The following ANKRD13C variants were observed in gnomAD, a reference collection of about 807,000 sequenced individuals.
ANKRD13C encodes ankyrin repeat domain 13C.
A neutral mutation model predicts 65.5 loss-of-function variants in ANKRD13C; 16 were observed. That is an observed-to-expected ratio of 0.24 (90% CI 0.17 to 0.37). The LOEUF is 0.37. Ranked by LOEUF, ANKRD13C falls within the 10% of genes least tolerant of loss-of-function variation. The pLI, the probability that ANKRD13C is intolerant of heterozygous loss-of-function variation, is 1.00. For missense variants in ANKRD13C, 503 were observed against 655.9 expected (o/e 0.77, Z 2.55); for synonymous variants, 235 against 238.7 (o/e 0.98, Z 0.14).
intron 1 of ANKRD13C, among the ~76,000 whole-genome samples, chr1:70,340,804 A>G (rs1051655931): frequency 6.6e-6 from 1 of 152,122 alleles, no homozygotes; most frequent in Non-Finnish European, 1.5e-5. Flanking sequence ...TTTCTCAGAT[A>G]ATGTTTTCTG....
intron 3 of ANKRD13C, 119 bp downstream of exon 3, chr1:70,324,734 G>GT: frequency 1.6e-6 from 1 of 629,876 alleles, no homozygotes; most frequent in South Asian, 3.4e-5. Flanking sequence ...TCACATGTAA[G>GT]TTTACACATA....
chr1:70,309,714 G>A (rs1249949559), intron 5 of ANKRD13C, among the ~76,000 whole-genome samples: 1 of 110,094 alleles, frequency 9.1e-6, no homozygotes, highest in Non-Finnish European at 1.8e-5. Flanking sequence ...AGACTCCGTC[G>A]CAAAAAAAAA....
At chr1:70,277,719 CAAG>C (rs1481252540) in intron 9 of ANKRD13C, among the ~76,000 whole-genome samples, 1 of 152,000 alleles carries the variant, frequency 6.6e-6, no homozygotes, top group Non-Finnish European at 1.5e-5. Flanking sequence ...GTAAAAAACA[CAAG>C]AAGACTGATT....
intron 3 of ANKRD13C, among the ~76,000 whole-genome samples, chr1:70,318,577 A>G (rs1326981563): frequency 6.6e-6 from 1 of 152,158 alleles, no homozygotes; most frequent in Non-Finnish European, 1.5e-5. Flanking sequence ...CAATTAAGTA[A>G]TGAAATCACC....
At chr1:70,323,498 C>A (rs945086421) in intron 3 of ANKRD13C, among the ~76,000 whole-genome samples, 1 of 151,646 alleles carries the variant, frequency 6.6e-6, no homozygotes, top group African/African-American at 2.4e-5. Context: ...CAAAAATTAG[C>A]CAGGCATGGT....
At chr1:70,339,828 T>G (rs1682228622) in intron 1 of ANKRD13C, among the ~76,000 whole-genome samples, 1 of 103,268 alleles carries the variant, frequency 9.7e-6, no homozygotes, top group Non-Finnish European at 2.0e-5. Flanking sequence ...ATTATTATTA[T>G]TATTATTATT....
intron 1 of ANKRD13C, among the ~76,000 whole-genome samples, chr1:70,352,889 T>C (rs1682807990): frequency 6.6e-6 from 1 of 152,208 alleles, no homozygotes; most frequent in South Asian, 2.1e-4. Context: ...ATGCAGTTGT[T>C]AGATAATTAT....
chr1:70,301,178 C>CACAT (rs376941505), intron 6 of ANKRD13C, among the ~76,000 whole-genome samples: 35 of 148,750 alleles, frequency 2.4e-4, no homozygotes, highest in East Asian at 9.7e-4. Flanking sequence ...TATACACACA[C>CACAT]ATATATATAT....
At chr1:70,353,580 G>A (rs781509372) in intron 1 of ANKRD13C, among the ~76,000 whole-genome samples, 2 of 152,126 alleles carry the variant, frequency 1.3e-5, no homozygotes, top group Admixed American at 6.6e-5. Context: ...AGGGAGGAGG[G>A]CAATTTATGC....
intron 5 of ANKRD13C, among the ~76,000 whole-genome samples, chr1:70,311,485 T>G (rs1167958559): frequency 6.6e-6 from 1 of 151,786 alleles, no homozygotes; most frequent in African/African-American, 2.4e-5. Context: ...AATAAATAAA[T>G]AAATAAATGT....
rs114987978 is a variant in ANKRD13C, at chr1:70,290,266, T to C, written c.1215+2122A>G. On this transcript the variant is annotated intron_variant, in intron 9 of 12. Coordinates refer to ENST00000370944, the MANE Select transcript of ANKRD13C (RefSeq NM_030816.5). The stretch of plus-strand genomic sequence containing the variant: ...CAAACATAGTATTACCATGAATTAG[T>C]TGAAACCTGGCATACTATTCTGGAA... 3.2e-3 allele frequency among the ~76,000 whole-genome samples: 482 copies of C among 152,342 alleles called. 2 individuals carry two copies. The highest frequency in any genetic ancestry group is 0.01 in the African/African-American group (431 of 41,568).
In ANKRD13C at chr1:70,354,274, C is replaced by T. The variant is rs1682895778; in HGVS notation, c.135G>A (p.Lys45=). Residue 45 remains lysine (K), a synonymous_variant, in exon 1 of 13, where the codon AAG becomes AAA. Transcript: ENST00000370944. ...GGTFTRSRIG[K]GGKACHKIFS... ...AGATCTTATGACAAGCTTTGCCGCCCTTGCCAATCCTGCTTCTGGTAAAGG... is the reference window on the plus strand; with the variant it reads ...AGATCTTATGACAAGCTTTGCCGCCTTTGCCAATCCTGCTTCTGGTAAAGG... The T allele has an allele frequency of 1.2e-6, 2 of 1,613,874 alleles. No individual in the cohort carries two copies. The highest frequency in any genetic ancestry group is 1.7e-6 in the Non-Finnish European group (2 of 1,180,030).
intron 7 of ANKRD13C, 42 bp downstream of exon 7, chr1:70,300,716 CTTTTTT>C (rs34074291): frequency 7.0e-7 from 1 of 1,434,624 alleles, no homozygotes; most frequent in South Asian, 1.5e-5. Flanking sequence ...AAAACCTATA[CTTTTTT>C]TTTAATGATT....
chr1:70,352,201 G>A (rs1682768910), intron 1 of ANKRD13C, among the ~76,000 whole-genome samples: 1 of 151,962 alleles, frequency 6.6e-6, no homozygotes, highest in Non-Finnish European at 1.5e-5. Context: ...TTAGCCTGGC[G>A]CGGTGGTGGG....
intron 7 of ANKRD13C, among the ~76,000 whole-genome samples, chr1:70,299,329 A>C (rs1680224566): frequency 6.6e-6 from 1 of 152,232 alleles, no homozygotes; most frequent in South Asian, 2.1e-4. Flanking sequence ...AAAAGGAACC[A>C]TGCCGTGCTA....
chr1:70,348,442 T>C (rs1682619392), intron 1 of ANKRD13C, among the ~76,000 whole-genome samples: 1 of 152,188 alleles, frequency 6.6e-6, no homozygotes, highest in African/African-American at 2.4e-5. Context: ...ATGTTTTGTA[T>C]TTTTAGTAGA....
At chr1:70,280,447 TTAG>T (rs1419687510) in intron 9 of ANKRD13C, among the ~76,000 whole-genome samples, 1 of 152,060 alleles carries the variant, frequency 6.6e-6, no homozygotes, top group Non-Finnish European at 1.5e-5. Flanking sequence ...TACATGAAGA[TTAG>T]TAGTAAGAGA....
intron 2 of ANKRD13C, among the ~76,000 whole-genome samples, chr1:70,329,761 T>C (rs190701515): frequency 2.6e-4 from 40 of 151,886 alleles, no homozygotes; most frequent in African/African-American, 9.4e-4. Flanking sequence ...ATCATAGATA[T>C]GCTAATAACC....
intron 2 of ANKRD13C, among the ~76,000 whole-genome samples, chr1:70,333,569 T>G (rs539313287): frequency 6.6e-6 from 1 of 152,214 alleles, no homozygotes; most frequent in Non-Finnish European, 1.5e-5. Context: ...AAGTCTGCCA[T>G]CACCCATCAC....
Sources: gnomAD v4.1 joint callset for allele counts (sites outside exome capture counted in the v4.1 genomes callset) on GRCh38, gnomAD v4.1.1 for gene constraint, MANE v1.5 for transcripts, NCBI Gene and HGNC (gene_info 2026-07-23, HGNC 2026-07-21) for gene names.